The following LRFN3 variants were observed in gnomAD, a reference collection of about 807,000 sequenced individuals.
The protein encoded by LRFN3 is leucine-rich repeat and fibronectin type-III domain-containing protein 3.
In LRFN3, 8 loss-of-function variants were observed where a neutral mutation model predicts 23.8. The observed-to-expected ratio is 0.34, with a 90% CI of 0.20 to 0.61. LRFN3 has a LOEUF of 0.61. Among genes scored for constraint, LRFN3 ranks in the 20% least tolerant of loss-of-function variants. The pLI is 0.80. For synonymous variants in LRFN3, 451 were observed against 450.6 expected (o/e 1.00, Z -0.01); for missense variants, 736 against 935.3 (o/e 0.79, Z 2.78).
In LRFN3 at chr19:35,939,917, C is replaced by T. The variant is rs773216912; in HGVS notation, c.492C>T (p.Ser164=). The change falls in exon 2 of 3, where the codon TCC becomes TCT. Residue 164 remains serine, a synonymous_variant. Coordinates refer to ENST00000246529, the MANE Select transcript of LRFN3 (RefSeq NM_024509.2). The surrounding 1 kb of genome is among the most constrained non-coding windows in gnomAD (Gnocchi z 6.4). The part of the protein sequence containing the change: ...CAETLEDLDL[S]YNNLEQLPWE... ...AGACACTGGAGGACCTCGACCTCTC[C>T]TACAACAACCTCGAGCAGCTGCCCT... 1.6e-5 allele frequency: 26 copies of T among 1,604,374 alleles called. No individual in the cohort carries two copies. In the South Asian group the frequency reaches 2.7e-4, roughly 17 times the overall value.
At position 35,939,667 on chromosome 19, in the gene LRFN3, A is replaced by G; in HGVS notation, c.242A>G (p.Asn81Ser). Residue 81 changes from asparagine (N) to serine (S), a missense_variant, in exon 2 of 3, where the codon AAC (asparagine) becomes AGC (serine). Around this residue, in one of 2 missense-constraint regions of LRFN3, gnomAD observed 446 missense variants for 647.9 expected, o/e 0.69. Coordinates refer to ENST00000246529, the MANE Select transcript of LRFN3 (RefSeq NM_024509.2). The surrounding 1 kb of genome is among the most constrained non-coding windows in gnomAD (Gnocchi z 6.4). The stretch of plus-strand genomic sequence containing the variant: ...TCCGTGCGCCGCCGCGACCTGGCCA[A>G]CATGACAGGCCTGCTGCATCTGAGC... ...IASVRRRDLA[N>S]MTGLLHLSLS... 9.3e-6 allele frequency: 15 copies of G among 1,608,022 alleles called. No individual in the cohort carries two copies. Among genetic ancestry groups the G allele is most frequent in the Non-Finnish European group, 1.3e-5 (15 of 1,179,314 alleles).
Position 35,940,773 on chromosome 19 carries a change from C to T in LRFN3, c.1348C>T (p.Pro450Ser). ...TCTTGTCCAGTGGCCGGATCAGCGG[C>T]CTATCCCGGGCATCCGCATGTACCA... is the stretch of plus-strand genomic sequence containing the variant. ...AALVQWPDQR[P>S]IPGIRMYQIQ... The change falls in exon 2 of 3, where the codon CCT becomes TCT. Residue 450 changes from proline to serine, a missense_variant. By Grantham distance (74) the Pro-to-Ser change is moderately conservative. This residue lies in a region of LRFN3 where 290 missense variants were observed against 287.4 expected (regional missense o/e 1.01). Coordinates refer to ENST00000246529, the MANE Select transcript of LRFN3 (RefSeq NM_024509.2). 1 of 1,611,464 alleles carries T rather than the reference C, an allele frequency of 6.2e-7. No individual in the cohort carries two copies. The highest frequency in any genetic ancestry group is 8.5e-7 in the Non-Finnish European group (1 of 1,178,498).
intron 2 of LRFN3, among the ~76,000 whole-genome samples, chr19:35,943,991 A>G (rs1350877780): frequency 6.6e-6 from 1 of 152,148 alleles, no homozygotes; most frequent in South Asian, 2.1e-4. Flanking sequence ...GGAGTTTGAG[A>G]CCAGCCTGGG....
chr19:35,940,521 T>C lies in LRFN3; in HGVS notation c.1096T>C (p.Cys366Arg), dbSNP rs1319016944. 1 of 1,612,460 alleles carries C rather than the reference T, an allele frequency of 6.2e-7. No individual in the cohort carries two copies. Among genetic ancestry groups the C allele is most frequent in the South Asian group, 1.1e-5 (1 of 91,052 alleles). ...TEPGDGGIFT[C>R]IAANAAGEAT... ...GCCGGGTGATGGTGGCATCTTCACC[T>C]GCATTGCGGCCAATGCAGCTGGCGA... The change falls in exon 2 of 3, where the codon TGC becomes CGC. Residue 366 changes from cysteine to arginine, a missense_variant. By Grantham distance (180) the Cys-to-Arg change is radical (BLOSUM62 -3). This residue lies in a region of LRFN3 where 446 missense variants were observed against 647.9 expected (regional missense o/e 0.69). Coordinates refer to ENST00000246529, the MANE Select transcript of LRFN3 (RefSeq NM_024509.2).
At position 35,936,417 on chromosome 19, in the gene LRFN3, C is replaced by A. The variant is rs1976055440; in HGVS notation, c.-1155C>A. Among the ~76,000 whole-genome samples the A allele has an allele frequency of 6.6e-6, 1 of 151,306 alleles. No individual in the cohort carries two copies. Among genetic ancestry groups the A allele is most frequent in the East Asian group, 1.9e-4 (1 of 5,154 alleles). ...TGCCCTGGGTTGCCGGCGAGGAGGC[C>A]GCGGGAGCGCCTGGACCCGGCCCGC... On this transcript the variant is annotated 5_prime_UTR_variant, in exon 1 of 3. Transcript: ENST00000246529.
In LRFN3 at chr19:35,945,235, G is replaced by A. The variant is rs1976166379; in HGVS notation, c.*216G>A. On this transcript the variant is annotated 3_prime_UTR_variant, in exon 3 of 3. Coordinates refer to ENST00000246529, the MANE Select transcript of LRFN3 (RefSeq NM_024509.2). Reference sequence around the variant, plus strand: ...TCTCTGTCTATGGGGGTTGGGGGACGGAGCAGGGGTCTGGAGCTGGGGAAT... The same window carrying A: ...TCTCTGTCTATGGGGGTTGGGGGACAGAGCAGGGGTCTGGAGCTGGGGAAT... 2 of 422,898 alleles carry A rather than the reference G, an allele frequency of 4.7e-6. No homozygotes were observed. Among genetic ancestry groups the A allele is most frequent in the Non-Finnish European group, 4.1e-6 (1 of 241,312 alleles). 26.2% of individuals were successfully genotyped at this position (422,898 alleles called of 1,614,324 possible). A position where few individuals can be genotyped will look rare whatever the true frequency, so the allele number is the denominator to read the frequency against.
At position 35,940,360 on chromosome 19, in the gene LRFN3, C is replaced by T. The variant is rs373838165; in HGVS notation, c.935C>T (p.Pro312Leu). Residue 312 changes from proline to leucine, a missense_variant, in exon 2 of 3, where the codon CCG (proline) becomes CTG (leucine). Pro to Leu is a moderately conservative substitution (Grantham distance 98). Transcript: ENST00000246529. The stretch of plus-strand genomic sequence containing the variant: ...CCTCTGGCTGTGCCCGCAGGTCGGC[C>T]GGCTGCCCTGCGCTGCCGGGCAGTG... ...SPPLAVPAGRPAALRCRAVGD... is the reference protein window; with the variant it reads ...SPPLAVPAGRLAALRCRAVGD... 6 of 1,570,902 alleles carry T rather than the reference C, an allele frequency of 3.8e-6. No individual in the cohort carries two copies. Among genetic ancestry groups the T allele is most frequent in the Non-Finnish European group, 3.4e-6 (4 of 1,164,126 alleles).
rs1976153630 is a variant in LRFN3 at position 35,944,513 on chromosome 19, G to T, written c.1416-35G>T. 2.9e-6 allele frequency: 4 copies of T among 1,382,664 alleles called. No homozygotes were observed. 85.6% of individuals were successfully genotyped at this position (1,382,664 alleles called of 1,614,324 possible). ...GGAAGCACAGGTTGGGGGCTGGGCAGCCTGAGACCTGACCCCCACCTGCCT... is the reference window on the plus strand; with the variant it reads ...GGAAGCACAGGTTGGGGGCTGGGCATCCTGAGACCTGACCCCCACCTGCCT... On this transcript the variant is annotated intron_variant, in intron 2 of 2. Coordinates refer to ENST00000246529, the MANE Select transcript of LRFN3 (RefSeq NM_024509.2). The surrounding 1 kb of genome is among the most constrained non-coding windows in gnomAD (Gnocchi z 4.5).
chr19:35,937,976 C>T (rs535659514), intron 1 of LRFN3, among the ~76,000 whole-genome samples: 2 of 152,284 alleles, frequency 1.3e-5, no homozygotes, highest in South Asian at 2.1e-4. Flanking sequence ...TCGCCTCTGC[C>T]TGCTGCTTCT....
rs769723812 is a variant in LRFN3, at chr19:35,940,528, C to T, written c.1103C>T (p.Ala368Val). ...GATGGTGGCATCTTCACCTGCATTG[C>T]GGCCAATGCAGCTGGCGAGGCCACA... ...PGDGGIFTCI[A>V]ANAAGEATAA... Residue 368 changes from alanine to valine, a missense_variant, in exon 2 of 3, where the codon GCG (alanine) becomes GTG (valine). Physicochemically the swap from Ala to Val is moderately conservative, Grantham distance 64. Around this residue, in one of 2 missense-constraint regions of LRFN3, gnomAD observed 446 missense variants for 647.9 expected, o/e 0.69. Coordinates refer to ENST00000246529, the MANE Select transcript of LRFN3 (RefSeq NM_024509.2). The T allele has an allele frequency of 2.5e-6, 4 of 1,612,498 alleles. No homozygotes were observed. The highest frequency in any genetic ancestry group is 4.5e-5 in the East Asian group (2 of 44,862).
chr19:35,942,930 G>A (rs919138868), intron 2 of LRFN3, among the ~76,000 whole-genome samples: 8 of 152,014 alleles, frequency 5.3e-5, no homozygotes, highest in African/African-American at 1.4e-4. Context: ...TCAGGAGGCT[G>A]AGGCAGGAGA....
At position 35,937,220 on chromosome 19, in the gene LRFN3, A is replaced by G. The variant is rs937151608; in HGVS notation, c.-352A>G. 6.6e-6 allele frequency: 1 copy of G among 152,132 alleles called. No homozygotes were observed. Among genetic ancestry groups the G allele is most frequent in the African/African-American group, 2.4e-5 (1 of 41,414 alleles). 9.4% of individuals were successfully genotyped at this position (152,132 alleles called of 1,614,324 possible). A position where few individuals can be genotyped will look rare whatever the true frequency, so the allele number is the denominator to read the frequency against. ...CTCCCAATCTTGACTCAGCACCCCA[A>G]TATCTGAATGCAGAACCCCGGGATC... is the stretch of plus-strand genomic sequence containing the variant. On this transcript the variant is annotated 5_prime_UTR_variant, in exon 1 of 3. Coordinates refer to ENST00000246529, the MANE Select transcript of LRFN3 (RefSeq NM_024509.2).
chr19:35,942,805 G>A (rs1384838110), intron 2 of LRFN3, among the ~76,000 whole-genome samples: 1 of 152,142 alleles, frequency 6.6e-6, no homozygotes, highest in Admixed American at 6.6e-5. Flanking sequence ...CGAGGCAGGT[G>A]GATCACCAGG....
At position 35,945,940 on chromosome 19, in the gene LRFN3, G is replaced by T. The variant is rs1006821055; in HGVS notation, c.*921G>T. 6.6e-6 allele frequency among the ~76,000 whole-genome samples: 1 copy of T among 152,076 alleles called. No individual in the cohort carries two copies. The highest frequency in any genetic ancestry group is 6.5e-5 in the Admixed American group (1 of 15,268). On this transcript the variant is annotated 3_prime_UTR_variant, in exon 3 of 3. Coordinates refer to ENST00000246529, the MANE Select transcript of LRFN3 (RefSeq NM_024509.2). Reference sequence around the variant, plus strand: ...GGAAGCTGGGGCAGGGACCTGGGTGGGTGAGGACGAAGTTGGACCAGCTGG... The same window carrying T: ...GGAAGCTGGGGCAGGGACCTGGGTGTGTGAGGACGAAGTTGGACCAGCTGG...
intron 2 of LRFN3, among the ~76,000 whole-genome samples, chr19:35,941,849 C>T (rs1976125170): frequency 6.6e-6 from 1 of 151,976 alleles, no homozygotes; most frequent in Non-Finnish European, 1.5e-5. Context: ...GCTGGGATTA[C>T]AGGCGTGAAC....
rs148929773 is a variant in LRFN3 at position 35,946,030 on chromosome 19, G to A, written c.*1011G>A. 5.3e-5 allele frequency among the ~76,000 whole-genome samples: 8 copies of A among 152,184 alleles called. No individual in the cohort carries two copies. Among genetic ancestry groups the A allele is most frequent in the African/African-American group, 1.4e-4 (6 of 41,510 alleles). ...TCGGGAAACTGTGGGAAGCTGAGGC[G>A]GTGGGTTATGGAGCTGCGGGGCCAT... On this transcript the variant is annotated 3_prime_UTR_variant, in exon 3 of 3. Transcript: ENST00000246529.
intron 2 of LRFN3, among the ~76,000 whole-genome samples, chr19:35,941,046 A>G (rs1379333891): frequency 1.3e-5 from 2 of 152,252 alleles, no homozygotes; most frequent in Non-Finnish European, 1.5e-5. Context: ...ATCTGACAGC[A>G]GTGATAAAAA....
rs562672052 is a variant in LRFN3 at position 35,939,307 on chromosome 19, C to T, written c.-16-103C>T. On this transcript the variant is annotated intron_variant, in intron 1 of 2. Coordinates refer to ENST00000246529, the MANE Select transcript of LRFN3 (RefSeq NM_024509.2). The surrounding 1 kb of genome is among the most constrained non-coding windows in gnomAD (Gnocchi z 6.4). Reference sequence around the variant, plus strand: ...TCACATCTGACGGTCTTTGACCAGCCCTTCTGCCCTCAGCCCACTGTGACC... The same window carrying T: ...TCACATCTGACGGTCTTTGACCAGCTCTTCTGCCCTCAGCCCACTGTGACC... The T allele has an allele frequency of 1.2e-4, 150 of 1,241,168 alleles. No individual in the cohort carries two copies. Among genetic ancestry groups the T allele is most frequent in the Admixed American group, 1.9e-4 (8 of 41,312 alleles). The allele number at this position is 1,241,168 out of a possible 1,614,324, so 76.9% of individuals were successfully genotyped here.
intron 2 of LRFN3, among the ~76,000 whole-genome samples, chr19:35,942,632 A>C (rs1330246670): frequency 1.3e-5 from 2 of 152,160 alleles, no homozygotes; most frequent in African/African-American, 4.8e-5. Context: ...CCTCAAGAAA[A>C]GGCCACTTGA....
Sources: allele counts gnomAD v4.1 joint callset (sites outside exome capture counted in the v4.1 genomes callset), GRCh38; gene constraint gnomAD v4.1.1; regional missense constraint gnomAD v4.1.1; non-coding constraint Gnocchi (gnomAD v3.1); transcripts MANE v1.5; gene names NCBI Gene and HGNC (gene_info 2026-07-23, HGNC 2026-07-21).